The following PKHD1 variants were observed in gnomAD, a reference collection of about 807,000 sequenced individuals.
PKHD1 encodes fibrocystin.
PKHD1 carries 291 observed loss-of-function variants against 412.0 expected under a neutral mutation model. The observed-to-expected ratio is 0.71, with a 90% confidence interval of 0.64 to 0.78. The LOEUF is 0.78. Among genes scored for constraint, PKHD1 ranks in the 30% least tolerant of loss-of-function variants. The pLI is 0.00. For missense variants in PKHD1, 4,825 were observed against 4,950.7 expected, an observed-to-expected ratio of 0.97 and a Z score of 0.76; for synonymous variants, 1,777 against 1,821.5, an observed-to-expected ratio of 0.98 and a Z score of 0.62.
At chr6:51,660,780 C>G (rs374542030) in intron 60 of PKHD1, among the ~76,000 whole-genome samples, 1 of 152,184 alleles carries the variant, frequency 6.6e-6, no homozygotes, top group African/African-American at 2.4e-5. Flanking sequence ...CCTCAAGACA[C>G]TTCCATGCGT....
chr6:51,978,131 T>A (rs1261025902), intron 35 of PKHD1, among the ~76,000 whole-genome samples: 1 of 151,976 alleles, frequency 6.6e-6, no homozygotes, highest in Non-Finnish European at 1.5e-5. Flanking sequence ...TCATCTCTCC[T>A]CTCAGGCCAA....
At chr6:51,692,261 T>TCACACACACA (rs3061680) in intron 60 of PKHD1, among the ~76,000 whole-genome samples, 7,134 of 147,448 alleles carry the variant, frequency 0.048, 213 homozygotes, top group East Asian at 0.098. Context: ...ATCACATAAT[T>TCACACACACA]CACACACACA....
intron 55 of PKHD1, among the ~76,000 whole-genome samples, chr6:51,772,122 T>C (rs1790244701): frequency 1.3e-5 from 2 of 152,266 alleles, no homozygotes; most frequent in Admixed American, 6.5e-5. Context: ...ATATGACCCA[T>C]AGATAGCTTT....
intron 50 of PKHD1, among the ~76,000 whole-genome samples, chr6:51,843,825 T>C (rs1770662917): frequency 6.6e-6 from 1 of 152,260 alleles, no homozygotes. Context: ...CTCAGCAGCT[T>C]TAGAAAGGCA....
At chr6:51,834,841 G>T (rs1473025994) in intron 51 of PKHD1, among the ~76,000 whole-genome samples, 1 of 152,132 alleles carries the variant, frequency 6.6e-6, no homozygotes, top group Non-Finnish European at 1.5e-5. Context: ...ATTAATCTAT[G>T]CTCAATAAGG....
chr6:51,872,899 T>TTC (rs61420007), intron 46 of PKHD1, among the ~76,000 whole-genome samples: 27,859 of 89,078 alleles, frequency 0.31, 3,765 homozygotes, highest in East Asian at 0.67. Flanking sequence ...TTTTTTTTTT[T>TTC]CAGAAAGTTA....
At chr6:52,027,134 C>T (rs1581820223) in intron 31 of PKHD1, among the ~76,000 whole-genome samples, 1 of 152,202 alleles carries the variant, frequency 6.6e-6, no homozygotes, top group East Asian at 1.9e-4. Flanking sequence ...TCCTTGCATG[C>T]ACAGCATCTA....
chr6:51,677,946 G>C (rs1001165172), intron 60 of PKHD1, among the ~76,000 whole-genome samples: 3 of 152,076 alleles, frequency 2.0e-5, no homozygotes, highest in Non-Finnish European at 2.9e-5. Context: ...TGTTTTACTA[G>C]GGTAAAATGT....
intron 52 of PKHD1, among the ~76,000 whole-genome samples, chr6:51,820,994 C>T (rs1443054868): frequency 6.6e-6 from 1 of 152,176 alleles, no homozygotes; most frequent in East Asian, 1.9e-4. Flanking sequence ...GAAAAAAGCC[C>T]TGCTCTGCAT....
Position 52,028,478 on chromosome 6 carries a change from T to TA in PKHD1, c.3365-128dup, listed in dbSNP as rs1802563451. 8.0e-6 allele frequency: 7 copies of TA among 876,110 alleles called. No individual in the cohort carries two copies. In the South Asian group the frequency reaches 1.0e-4, roughly 13 times the overall value. The allele number at this position is 876,110 out of a possible 1,614,324, so 54.3% of individuals were successfully genotyped here. A position where few individuals can be genotyped will look rare whatever the true frequency, so the allele number is the denominator to read the frequency against. On this transcript the variant is annotated intron_variant, in intron 29 of 66. Transcript: ENST00000371117. ...CCCTATGCATAATACTCTTAAGAGTTACGATACCAACCTAAATTTTTCAAG... is the reference window on the plus strand; with the variant it reads ...CCCTATGCATAATACTCTTAAGAGTTAACGATACCAACCTAAATTTTTCAAG...
chr6:51,663,241 A>C (rs1375574710), intron 60 of PKHD1, among the ~76,000 whole-genome samples: 5 of 151,750 alleles, frequency 3.3e-5, no homozygotes, highest in African/African-American at 1.2e-4. Flanking sequence ...CTTTTTACAC[A>C]TTTTTTTCAG....
chr6:52,039,107 G>A (rs1804408959), intron 27 of PKHD1, among the ~76,000 whole-genome samples: 1 of 152,072 alleles, frequency 6.6e-6, no homozygotes. Flanking sequence ...ATGTATAAAT[G>A]GCCAATAAGC....
intron 18 of PKHD1, 138 bp downstream of exon 18, chr6:52,056,560 T>G: frequency 1.3e-6 from 1 of 744,368 alleles, no homozygotes; most frequent in Non-Finnish European, 2.4e-6. Context: ...CCTCAGCCAC[T>G]CAGTGTCCAA....
At position 52,045,163 on chromosome 6, in the gene PKHD1, T is replaced by C. The variant is rs537462541; in HGVS notation, c.2593-75A>G. The C allele has an allele frequency of 5.7e-6, 8 of 1,408,554 alleles. No individual in the cohort carries two copies. In the East Asian group the frequency reaches 1.8e-4, roughly 32 times the overall value. The allele number at this position is 1,408,554 out of a possible 1,614,324, so 87.3% of individuals were successfully genotyped here. ...TCTCGTCTAATCAAATAATAAAGAGTTTTTTCACATTGTGTTTCAGATAAT... is the reference window on the plus strand; with the variant it reads ...TCTCGTCTAATCAAATAATAAAGAGCTTTTTCACATTGTGTTTCAGATAAT... On this transcript the variant is annotated intron_variant, in intron 24 of 66. Transcript: ENST00000371117.
In PKHD1 at chr6:51,618,247, A is replaced by T. The variant is rs963297586; in HGVS notation, c.*834T>A. On this transcript the variant is annotated 3_prime_UTR_variant, in exon 67 of 67. Transcript: ENST00000371117. Reference sequence around the variant, plus strand: ...TCTCCAAAAAGCAGCTTTTTGATAAAGGACTTGGCCACTTGGCTTTCTCTG... The same window carrying T: ...TCTCCAAAAAGCAGCTTTTTGATAATGGACTTGGCCACTTGGCTTTCTCTG... 6 of 152,332 alleles carry T rather than the reference A, an allele frequency of 3.9e-5. No individual in the cohort carries two copies. Among genetic ancestry groups the T allele is most frequent in the African/African-American group, 1.2e-4 (5 of 41,540 alleles). 9.4% of individuals were successfully genotyped at this position (152,332 alleles called of 1,614,324 possible).
intron 35 of PKHD1, among the ~76,000 whole-genome samples, chr6:51,984,449 A>C (rs536844515): frequency 6.6e-6 from 1 of 152,376 alleles, no homozygotes; most frequent in East Asian, 1.9e-4. Flanking sequence ...GCATACTCAC[A>C]CATACCCTGC....
At chr6:51,816,997 T>C (rs1302550263) in intron 52 of PKHD1, among the ~76,000 whole-genome samples, 1 of 152,202 alleles carries the variant, frequency 6.6e-6, no homozygotes, top group Non-Finnish European at 1.5e-5. Context: ...TTGTAGTACA[T>C]GAAAAGCAAC....
intron 43 of PKHD1, among the ~76,000 whole-genome samples, chr6:51,901,073 C>A (rs1781194300): frequency 6.6e-6 from 1 of 152,068 alleles, no homozygotes; most frequent in Non-Finnish European, 1.5e-5. Flanking sequence ...GTTGGTGGGA[C>A]TGTAAACTAG....
intron 43 of PKHD1, among the ~76,000 whole-genome samples, chr6:51,894,833 T>C (rs913884759): frequency 1.3e-5 from 2 of 152,232 alleles, no homozygotes; most frequent in Non-Finnish European, 2.9e-5. Context: ...TACAGCTCCA[T>C]GACTATGGTT....
Sources: gnomAD v4.1 joint callset for allele counts (sites outside exome capture counted in the v4.1 genomes callset) on GRCh38, gnomAD v4.1.1 for gene constraint, MANE v1.5 for transcripts, NCBI Gene and HGNC (gene_info 2026-07-23, HGNC 2026-07-21) for gene names.